Variants in MYO18A observed in about 807,000 individuals in gnomAD.
The protein encoded by MYO18A is unconventional myosin-XVIIIa.
MYO18A carries 78 observed loss-of-function variants against 235.8 expected under a neutral mutation model. That is an observed-to-expected ratio of 0.33 (90% CI 0.28 to 0.40). The LOEUF (loss-of-function observed/expected upper bound fraction) is 0.40. Among genes scored for constraint, MYO18A ranks in the 10% least tolerant of loss-of-function variants. The pLI is 1.00. For synonymous variants in MYO18A, 977 were observed against 1,077.8 expected, an observed-to-expected ratio of 0.91 and a Z score of 1.83; for missense variants, 2,215 against 2,699.3, an observed-to-expected ratio of 0.82 and a Z score of 3.98.
Position 29,121,791 on chromosome 17 carries a change from C to T in MYO18A, c.1194+60G>A. On this transcript the variant is annotated intron_variant, in intron 4 of 41. Transcript: ENST00000527372. This position sits in a 1 kb window ranked among gnomAD's most constrained non-coding sequence, Gnocchi z 4.2. ...CCATCTCCGCTGCCAGAGGATGGGC[C>T]TGCCCTGCCCAGTGCACTCCTGAGC... is the stretch of plus-strand genomic sequence containing the variant. 6.2e-7 allele frequency: 1 copy of T among 1,610,214 alleles called. No individual in the cohort carries two copies. The highest frequency in any genetic ancestry group is 1.7e-4 in the Middle Eastern group (1 of 6,046).
Position 29,111,975 on chromosome 17 carries a change from A to G in MYO18A, c.2599-112T>C. On this transcript the variant is annotated intron_variant, in intron 15 of 41. Coordinates refer to ENST00000527372, the MANE Select transcript of MYO18A (RefSeq NM_078471.4). This position sits in a 1 kb window ranked among gnomAD's most constrained non-coding sequence, Gnocchi z 5.1. ...GAATGCTACACATGTGCACACATGC[A>G]CACACGCACATGCCGCAGCTCCTGC... 2 of 1,325,040 alleles carry G rather than the reference A, an allele frequency of 1.5e-6. No homozygotes were observed. Among genetic ancestry groups the G allele is most frequent in the Non-Finnish European group, 2.1e-6 (2 of 973,110 alleles). The allele number at this position is 1,325,040 out of a possible 1,614,324, so 82.1% of individuals were successfully genotyped here.
rs762543026 is a variant in MYO18A at position 29,120,640 on chromosome 17, G to A, written c.1704C>T (p.Gly568=). 3.1e-6 allele frequency: 5 copies of A among 1,613,914 alleles called. No individual in the cohort carries two copies. The South Asian group carries it at 5.5e-5, about 18-fold the overall frequency. Residue 568 remains glycine, a synonymous_variant, in exon 7 of 42, where the codon GGC becomes GGT. Transcript: ENST00000527372. This position sits in a 1 kb window ranked among gnomAD's most constrained non-coding sequence, Gnocchi z 4.2. ...QILSLDFDQA[G]QVASASIQTM... Reference sequence around the variant, plus strand: ...CCTGAATGGAGGCTGAGGCCACCTGGCCAGCTTGGTCAAAGTCCAGGGAGA... The same window carrying A: ...CCTGAATGGAGGCTGAGGCCACCTGACCAGCTTGGTCAAAGTCCAGGGAGA...
intron 12 of MYO18A, 73 bp from the exon 13 acceptor site, chr17:29,115,514 C>A: frequency 6.5e-7 from 1 of 1,548,566 alleles, no homozygotes; most frequent in South Asian, 1.2e-5. Flanking sequence ...CTGACCTGCC[C>A]AGGGCCCAGT....
rs1457291462 is a variant in MYO18A at position 29,072,201 on chromosome 17, CCTT to C, written c.*2566_*2568del. ...GACAGAACTGAACATAAGCTAGCAGCCTTTTTTTTTTTTTTTTTTTTTTTGTAA... is the reference window on the plus strand; with the variant it reads ...GACAGAACTGAACATAAGCTAGCAGCTTTTTTTTTTTTTTTTTTTTTGTAA... On this transcript the variant is annotated 3_prime_UTR_variant, in exon 42 of 42. Transcript: ENST00000527372. The C allele has an allele frequency of 3.8e-5, 4 of 105,020 alleles. No individual in the cohort carries two copies. Among genetic ancestry groups the C allele is most frequent in the Admixed American group, 1.2e-4 (1 of 8,382 alleles). The allele number at this position is 105,020 out of a possible 1,614,324, so 6.5% of individuals were successfully genotyped here. A position where few individuals can be genotyped will look rare whatever the true frequency, so the allele number is the denominator to read the frequency against.
chr17:29,099,909 AGGAGG>A, intron 21 of MYO18A, 147 bp from the exon 22 acceptor site: 3 of 1,145,420 alleles, frequency 2.6e-6, no homozygotes, highest in Non-Finnish European at 3.5e-6. Flanking sequence ...TGTCCAAGAG[AGGAGG>A]GGAGGAGCAG....
intron 2 of MYO18A, among the ~76,000 whole-genome samples, chr17:29,124,423 C>G (rs1010432016): frequency 6.6e-6 from 1 of 152,212 alleles, no homozygotes; most frequent in Non-Finnish European, 1.5e-5. Flanking sequence ...AAGGGCGACA[C>G]TCGGTCTAGA....
chr17:29,127,917 C>T (rs565398624), intron 2 of MYO18A: 19 of 994,506 alleles, frequency 1.9e-5, no homozygotes, highest in East Asian at 2.3e-4. Flanking sequence ...GACTTCGGGC[C>T]GGTGGAGCCT....
intron 41 of MYO18A, chr17:29,079,789 C>A: frequency 1.0e-6 from 1 of 986,082 alleles, no homozygotes; most frequent in Non-Finnish European, 1.2e-6. Flanking sequence ...CTCTTTCTTG[C>A]GCTTCTTTTC....
At chr17:29,089,178 A>G (rs577649869) in intron 37 of MYO18A, among the ~76,000 whole-genome samples, 1 of 152,068 alleles carries the variant, frequency 6.6e-6, no homozygotes, top group Admixed American at 6.6e-5. Context: ...CATGCCTGTA[A>G]TCCCAGCACT....
Position 29,090,563 on chromosome 17 carries a change from G to A in MYO18A, c.5357C>T (p.Ala1786Val). Residue 1786 changes from alanine (A) to valine (V), a missense_variant, in exon 36 of 42, where the codon GCC becomes GTC. Coordinates refer to ENST00000527372, the MANE Select transcript of MYO18A (RefSeq NM_078471.4). ...INDLQAQLEE[A>V]NKEKQELQEK... ...CTGCAGCTCCTGCTTCTCTTTGTTG[G>A]CTTCTTCTAGCTGAGCTTGGAGATC... The A allele has an allele frequency of 1.3e-6, 2 of 1,598,708 alleles. No homozygotes were observed. Among genetic ancestry groups the A allele is most frequent in the Non-Finnish European group, 1.7e-6 (2 of 1,171,946 alleles).
intron 28 of MYO18A, 96 bp downstream of exon 28, chr17:29,096,665 G>A: frequency 7.2e-7 from 1 of 1,393,724 alleles, no homozygotes; most frequent in Middle Eastern, 2.6e-4. Context: ...GACAAATTCA[G>A]GTCCTTCCTT....
chr17:29,080,127 G>A (rs1032663637), intron 41 of MYO18A: 6 of 985,850 alleles, frequency 6.1e-6, no homozygotes, highest in Admixed American at 6.1e-5. Flanking sequence ...CGGAGCGGCG[G>A]ATGCTGGCAG....
chr17:29,093,965 A>G lies in MYO18A; in HGVS notation c.4821+15T>C. ...AGGTGTTTACGCTGGACAGGTAAGT[A>G]CTCAGATACCTTACCTTCTTCTGAC... On this transcript the variant is annotated intron_variant, in intron 31 of 41. Transcript: ENST00000527372. 4 of 1,560,970 alleles carry G rather than the reference A, an allele frequency of 2.6e-6. No homozygotes were observed. The highest frequency in any genetic ancestry group is 3.5e-6 in the Non-Finnish European group (4 of 1,140,524).
In MYO18A at chr17:29,166,266, T is replaced by C; in HGVS notation, c.675A>G (p.Arg225=). ...AGAAGCCAAAGTCTCCAGTGGGCCG[T>C]CGTTGCAGCTCCAGCTCCCGGAGGG... The part of the protein sequence containing the change: ...PPTLRELELQ[R]RPTGDFGFSL... Residue 225 remains arginine, a synonymous_variant, in exon 2 of 42, where the codon CGA becomes CGG. Coordinates refer to ENST00000527372, the MANE Select transcript of MYO18A (RefSeq NM_078471.4). 6.2e-7 allele frequency: 1 copy of C among 1,612,842 alleles called. No homozygotes were observed.
At chr17:29,091,542 G>A (rs988150453) in intron 34 of MYO18A, 4 of 443,736 alleles carry the variant, frequency 9.0e-6, no homozygotes, top group Middle Eastern at 3.8e-4. Flanking sequence ...GGAAGCCTCC[G>A]CCAAGAAATT....
intron 19 of MYO18A, among the ~76,000 whole-genome samples, chr17:29,108,630 C>T (rs978272195): frequency 1.3e-5 from 2 of 152,192 alleles, no homozygotes; most frequent in African/African-American, 4.8e-5. Flanking sequence ...GGCTAGCTGG[C>T]TCTGGGAAAC....
intron 37 of MYO18A, among the ~76,000 whole-genome samples, chr17:29,088,520 G>A (rs1022208344): frequency 4.6e-5 from 7 of 152,134 alleles, no homozygotes; most frequent in African/African-American, 1.7e-4. Context: ...TGGACTGTGA[G>A]CTGATGGAGG....
chr17:29,115,710 G>C lies in MYO18A; in HGVS notation c.2181C>G (p.Thr727=). 3.1e-6 allele frequency: 5 copies of C among 1,606,648 alleles called. No homozygotes were observed. The highest frequency in any genetic ancestry group is 1.1e-5 in the South Asian group (1 of 89,472). The part of the protein sequence containing the change: ...QHKGGTLQRS[T]SFRQGPEESG... ...TCTCCTCGGGGCCCTGGCGGAAGGAGGTGGAGCGCTGCAGGGTGCCACCCT... is the reference window on the plus strand; with the variant it reads ...TCTCCTCGGGGCCCTGGCGGAAGGACGTGGAGCGCTGCAGGGTGCCACCCT... The change falls in exon 12 of 42, where the codon ACC becomes ACG. Residue 727 remains threonine, a synonymous_variant. Transcript: ENST00000527372.
chr17:29,114,760 A>G (rs1035593240), intron 14 of MYO18A, 147 bp downstream of exon 14: 12 of 839,350 alleles, frequency 1.4e-5, no homozygotes, highest in Non-Finnish European at 2.1e-5. Context: ...GGCCACGGAC[A>G]AGGGGGCAAG....
Sources: gnomAD v4.1 joint callset for allele counts (sites outside exome capture counted in the v4.1 genomes callset) on GRCh38, gnomAD v4.1.1 for gene constraint, Gnocchi (gnomAD v3.1) non-coding constraint, MANE v1.5 for transcripts, NCBI Gene and HGNC (gene_info 2026-07-23, HGNC 2026-07-21) for gene names.